The following NRXN3 variants were observed in gnomAD, a reference collection of about 807,000 sequenced individuals.
NRXN3 encodes the protein neurexin III.
A neutral mutation model predicts 137.6 loss-of-function variants in NRXN3; 32 were observed. The ratio of observed to expected loss-of-function variants is 0.23; its 90% CI spans 0.18 to 0.31. The LOEUF (loss-of-function observed/expected upper bound fraction) is 0.31, where lower values mean the gene tolerates loss of function less well. NRXN3 is among the 10% of genes least tolerant of loss of function. NRXN3 has a pLI of 1.00. For missense variants in NRXN3, 1,574 were observed against 2,062.5 expected, an observed-to-expected ratio of 0.76 and a Z score of 4.59; for synonymous variants, 798 against 784.5, an observed-to-expected ratio of 1.02 and a Z score of -0.29.
At chr14:78,861,055 G>A (rs2099070974) in intron 10 of NRXN3, among the ~76,000 whole-genome samples, 1 of 151,550 alleles carries the variant, frequency 6.6e-6, no homozygotes, top group South Asian at 2.1e-4. Context: ...CGTTATATAT[G>A]TGTATCATGT....
chr14:78,878,102 G>A (rs995622041), intron 10 of NRXN3, among the ~76,000 whole-genome samples: 1 of 152,108 alleles, frequency 6.6e-6, no homozygotes, highest in African/African-American at 2.4e-5. Context: ...AGTAGGTCAT[G>A]CAAATCATCT....
chr14:79,489,767 T>C (rs968588295), intron 16 of NRXN3, among the ~76,000 whole-genome samples: 2 of 151,890 alleles, frequency 1.3e-5, no homozygotes, highest in African/African-American at 4.8e-5. Context: ...CGGCCGGGCG[T>C]GGTGGCTCAC....
In NRXN3 at chr14:79,277,777, T is replaced by C. The variant is rs142692317; in HGVS notation, c.3263-189444T>C. On this transcript the variant is annotated intron_variant, in intron 15 of 20. Coordinates refer to ENST00000335750, the MANE Select transcript of NRXN3 (RefSeq NM_001330195.2). ...GGCACACCCAAAAGTATGCAAGACC[T>C]TGTCAGAGGGCCATTTCCTGGGGGG... Among the ~76,000 whole-genome samples the C allele has an allele frequency of 1.7e-4, 26 of 152,302 alleles. 1 individual carries two copies. In the East Asian group the frequency reaches 4.8e-3, roughly 28 times the overall value.
chr14:79,002,033 T>C (rs2153110594), intron 15 of NRXN3, among the ~76,000 whole-genome samples: 2 of 152,300 alleles, frequency 1.3e-5, no homozygotes, highest in South Asian at 2.1e-4. Flanking sequence ...CCCTGTTTCC[T>C]AGAGAATCAA....
At chr14:79,464,054 G>A (rs373231156) in intron 15 of NRXN3, among the ~76,000 whole-genome samples, 3 of 152,146 alleles carry the variant, frequency 2.0e-5, no homozygotes, top group South Asian at 2.1e-4. Context: ...CATGCAAGAT[G>A]GCAAAGCATG....
At chr14:78,767,082 A>G (rs895454260) in intron 8 of NRXN3, among the ~76,000 whole-genome samples, 8 of 152,206 alleles carry the variant, frequency 5.3e-5, no homozygotes, top group African/African-American at 1.9e-4. Flanking sequence ...AGGTCCAGGC[A>G]TGAATTAGTT....
At chr14:79,204,421 A>G (rs191883654) in intron 15 of NRXN3, among the ~76,000 whole-genome samples, 78 of 152,090 alleles carry the variant, frequency 5.1e-4, no homozygotes, top group Non-Finnish European at 1.0e-3. Context: ...AGGTTTGAGT[A>G]AAAAAATGAA....
chr14:79,381,207 GTT>G (rs5809936), intron 15 of NRXN3, among the ~76,000 whole-genome samples: 56 of 141,082 alleles, frequency 4.0e-4, no homozygotes, highest in East Asian at 6.3e-4. Context: ...TGCGTTGAAT[GTT>G]TTTTTTTTTT....
intron 15 of NRXN3, among the ~76,000 whole-genome samples, chr14:79,257,385 G>A (rs866012597): frequency 4.5e-5 from 4 of 89,466 alleles, no homozygotes; most frequent in African/African-American, 1.3e-4. Flanking sequence ...GGTGGTGGTG[G>A]TGATGGTGGT....
At chr14:78,935,724 A>G (rs73323400) in intron 10 of NRXN3, among the ~76,000 whole-genome samples, 15,250 of 152,118 alleles carry the variant, frequency 0.1, 930 homozygotes, top group African/African-American at 0.15. Context: ...CATACTCAGG[A>G]TGTTTAAAAT....
chr14:79,417,632 T>C (rs1382431465), intron 15 of NRXN3, among the ~76,000 whole-genome samples: 1 of 152,160 alleles, frequency 6.6e-6, no homozygotes, highest in East Asian at 1.9e-4. Context: ...ACTACAATAA[T>C]GATGCTTTCG....
intron 15 of NRXN3, among the ~76,000 whole-genome samples, chr14:79,152,585 T>A (rs1251115431): frequency 6.6e-6 from 1 of 151,862 alleles, no homozygotes; most frequent in Non-Finnish European, 1.5e-5. Flanking sequence ...TGGCAGAAGG[T>A]GGAGGAGAAG....
chr14:79,323,200 A>T (rs989497601), intron 15 of NRXN3, among the ~76,000 whole-genome samples: 14 of 151,936 alleles, frequency 9.2e-5, no homozygotes, highest in Admixed American at 3.9e-4. Flanking sequence ...TGCCCCACTA[A>T]TTTTTTTATA....
At chr14:79,327,126 C>T (rs1268162419) in intron 15 of NRXN3, among the ~76,000 whole-genome samples, 1 of 152,126 alleles carries the variant, frequency 6.6e-6, no homozygotes, top group Non-Finnish European at 1.5e-5. Flanking sequence ...AGAATGACAG[C>T]TCAGGGAAAG....
chr14:79,820,594 T>G (rs571010792), intron 20 of NRXN3, among the ~76,000 whole-genome samples: 39 of 152,314 alleles, frequency 2.6e-4, no homozygotes, highest in African/African-American at 8.9e-4. Context: ...TTGTTGTACA[T>G]ATCATTTGAT....
chr14:78,597,503 C>T (rs556602198), intron 4 of NRXN3, among the ~76,000 whole-genome samples: 3 of 152,260 alleles, frequency 2.0e-5, no homozygotes, highest in African/African-American at 7.2e-5. Context: ...ATAGAAGCTT[C>T]ATGGGGTACA....
chr14:78,408,376 T>C (rs536715814), intron 4 of NRXN3, among the ~76,000 whole-genome samples: 1 of 152,328 alleles, frequency 6.6e-6, no homozygotes, highest in Non-Finnish European at 1.5e-5. Flanking sequence ...CCAAAGCATA[T>C]GTCAGAACAA....
At position 78,335,488 on chromosome 14, in the gene NRXN3, A is replaced by C. The variant is rs190051714; in HGVS notation, c.757+37628A>C. 4.5e-3 allele frequency among the ~76,000 whole-genome samples: 680 copies of C among 152,342 alleles called. 8 individuals carry two copies. The highest frequency in any genetic ancestry group is 0.015 in the African/African-American group (644 of 41,584). On this transcript the variant is annotated intron_variant, in intron 4 of 20. Transcript: ENST00000335750. ...ACTCTCCCCTATCTTGGTGCCTTGC[A>C]CCTGGCAGGTGTTTAGTAATGACTG...
At chr14:79,585,683 TA>T (rs1264605001) in intron 16 of NRXN3, among the ~76,000 whole-genome samples, 1 of 75,940 alleles carries the variant, frequency 1.3e-5, no homozygotes, top group Admixed American at 1.3e-4. Flanking sequence ...GACTCCATCT[TA>T]AAAAAAAAAC....
Sources: allele counts gnomAD v4.1 joint callset (sites outside exome capture counted in the v4.1 genomes callset), GRCh38; gene constraint gnomAD v4.1.1; transcripts MANE v1.5; gene names NCBI Gene and HGNC (gene_info 2026-07-23, HGNC 2026-07-21).